KIAA1549L: variants seen among roughly 807,000 people sequenced by gnomAD.
The protein encoded by KIAA1549L is UPF0606 protein KIAA1549L.
Under a neutral mutation model 160.7 loss-of-function variants are expected in KIAA1549L, and 88 were observed. The observed-to-expected ratio is 0.55, with a 90% confidence interval of 0.46 to 0.65. The LOEUF (loss-of-function observed/expected upper bound fraction) is 0.65, where lower values mean the gene tolerates loss of function less well. Among genes scored for constraint, KIAA1549L ranks in the 30% least tolerant of loss-of-function variants. The pLI, the probability that KIAA1549L is intolerant of heterozygous loss-of-function variation, is 0.00. For synonymous variants in KIAA1549L, 950 were observed against 976.7 expected (o/e 0.97, Z 0.51); for missense variants, 2,258 against 2,437.5 (o/e 0.93, Z 1.55).
intron 19 of KIAA1549L, among the ~76,000 whole-genome samples, chr11:33,660,632 C>T (rs574753440): frequency 3.9e-4 from 59 of 152,308 alleles, no homozygotes; most frequent in African/African-American, 1.4e-3. Context: ...GCTACATCAC[C>T]TGGGATCTTA....
intron 1 of KIAA1549L, among the ~76,000 whole-genome samples, chr11:33,455,148 A>C (rs868040573): frequency 6.6e-6 from 1 of 152,216 alleles, no homozygotes; most frequent in African/African-American, 2.4e-5. Flanking sequence ...TTAGCAAAAC[A>C]AAGGTTTAAT....
chr11:33,608,317 G>A (rs1388659386), intron 14 of KIAA1549L, among the ~76,000 whole-genome samples: 1 of 152,218 alleles, frequency 6.6e-6, no homozygotes, highest in Non-Finnish European at 1.5e-5. Context: ...TAATGATGAT[G>A]ATGATTATTA....
chr11:33,587,217 C>T (rs1339646587), intron 11 of KIAA1549L, among the ~76,000 whole-genome samples: 1 of 152,066 alleles, frequency 6.6e-6, no homozygotes, highest in Non-Finnish European at 1.5e-5. Context: ...GGCAGTGTAT[C>T]CGCCATTGAA....
intron 1 of KIAA1549L, among the ~76,000 whole-genome samples, chr11:33,511,688 G>A (rs1565164322): frequency 6.6e-6 from 1 of 152,228 alleles, no homozygotes; most frequent in Non-Finnish European, 1.5e-5. Context: ...AGGGTGAACT[G>A]TAGAGCTCAT....
chr11:33,501,379 C>T (rs1461964513), intron 1 of KIAA1549L, among the ~76,000 whole-genome samples: 1 of 152,100 alleles, frequency 6.6e-6, no homozygotes, highest in Non-Finnish European at 1.5e-5. Context: ...CTCTCACTGT[C>T]CAAAGTTGTT....
chr11:33,605,423 T>C (rs2133319388), intron 13 of KIAA1549L, among the ~76,000 whole-genome samples: 1 of 152,266 alleles, frequency 6.6e-6, no homozygotes, highest in African/African-American at 2.4e-5. Context: ...TATGGATGCA[T>C]CTGGTAACAC....
intron 8 of KIAA1549L, among the ~76,000 whole-genome samples, chr11:33,567,694 A>T (rs1478202053): frequency 1.3e-5 from 2 of 152,216 alleles, no homozygotes; most frequent in East Asian, 3.9e-4. Context: ...CTGTGTTCCC[A>T]TGTGGACTTT....
intron 1 of KIAA1549L, among the ~76,000 whole-genome samples, chr11:33,496,337 T>C (rs1292724244): frequency 6.6e-6 from 1 of 152,104 alleles, no homozygotes; most frequent in Non-Finnish European, 1.5e-5. Context: ...CCTGATAATA[T>C]CTATGAAGGT....
intron 10 of KIAA1549L, among the ~76,000 whole-genome samples, chr11:33,581,692 C>T (rs1360114442): frequency 6.6e-6 from 1 of 152,144 alleles, no homozygotes; most frequent in African/African-American, 2.4e-5. Context: ...ACCCTTCATT[C>T]CTTTTCACCT....
At chr11:33,607,636 T>A (rs1850541796) in intron 14 of KIAA1549L, among the ~76,000 whole-genome samples, 1 of 152,214 alleles carries the variant, frequency 6.6e-6, no homozygotes, top group African/African-American at 2.4e-5. Context: ...TGGTTGTTAA[T>A]TTCATTTGTT....
At chr11:33,476,518 T>G (rs901384071) in intron 1 of KIAA1549L, among the ~76,000 whole-genome samples, 1 of 152,210 alleles carries the variant, frequency 6.6e-6, no homozygotes, top group Non-Finnish European at 1.5e-5. Context: ...CTTAAAACTC[T>G]TCAAAGGATT....
At chr11:33,509,888 G>A (rs999669134) in intron 1 of KIAA1549L, among the ~76,000 whole-genome samples, 7 of 152,102 alleles carry the variant, frequency 4.6e-5, no homozygotes, top group South Asian at 2.1e-4. Flanking sequence ...ACAGTGTTCC[G>A]TGTTCTCCTC....
rs562575410 is a variant in KIAA1549L at position 33,550,131 on chromosome 11, C to T, written c.3502-909C>T. 2.0e-5 allele frequency among the ~76,000 whole-genome samples: 3 copies of T among 150,250 alleles called. No individual in the cohort carries two copies. In the East Asian group the frequency reaches 5.8e-4, roughly 29 times the overall value. On this transcript the variant is annotated intron_variant, in intron 4 of 20. Coordinates refer to ENST00000658780, the MANE Select transcript of KIAA1549L (RefSeq NM_012194.3). ...AATGGATAGTAGTAATAGCTGTACA[C>T]CATTATGAATGTGTTTAATAGCACT...
chr11:33,550,908 G>C, intron 4 of KIAA1549L, 132 bp from the exon 5 acceptor site: 1 of 755,966 alleles, frequency 1.3e-6, no homozygotes, highest in South Asian at 1.6e-5. Context: ...GAATTGTTAA[G>C]AATATTTGTT....
chr11:33,403,242 T>TAGACAC (rs1850542468), intron 1 of KIAA1549L: 1 of 5,902 alleles, frequency 1.7e-4, no homozygotes, highest in African/African-American at 7.1e-4. Context: ...CAAACACACA[T>TAGACAC]ATGCAGACAC....
chr11:33,604,959 A>G (rs1404854486), intron 13 of KIAA1549L, among the ~76,000 whole-genome samples: 1 of 152,222 alleles, frequency 6.6e-6, no homozygotes, highest in African/African-American at 2.4e-5. Flanking sequence ...AGTTTAAAAA[A>G]GAGAAAAATG....
intron 16 of KIAA1549L, among the ~76,000 whole-genome samples, chr11:33,619,750 A>G (rs1403974736): frequency 6.6e-6 from 1 of 152,200 alleles, no homozygotes. Context: ...TTTATAAATT[A>G]TAGATGCTTT....
chr11:33,599,924 G>A lies in KIAA1549L; in HGVS notation c.4879+977G>A, dbSNP rs191024204. ...GCTTAGCTGCACTTCCCTTTCAAAG[G>A]AGTTTGCATAGTGCAGGGACTCTTT... On this transcript the variant is annotated intron_variant, in intron 13 of 20. Transcript: ENST00000658780. Among the ~76,000 whole-genome samples, 9 of 152,288 alleles carry A rather than the reference G, an allele frequency of 5.9e-5. No homozygotes were observed. In the East Asian group the frequency reaches 1.7e-3, roughly 29 times the overall value.
chr11:33,435,800 A>ATGTGTGTGTG (rs1309350867), intron 1 of KIAA1549L, among the ~76,000 whole-genome samples: 157 of 12,884 alleles, frequency 0.012, 15 homozygotes, highest in Non-Finnish European at 0.017. Flanking sequence ...ATATATATAT[A>ATGTGTGTGTG]TATATATATA....
Sources: allele counts gnomAD v4.1 joint callset (sites outside exome capture counted in the v4.1 genomes callset), GRCh38; gene constraint gnomAD v4.1.1; transcripts MANE v1.5; gene names NCBI Gene and HGNC (gene_info 2026-07-23, HGNC 2026-07-21).